The following TMEM255A variants were observed in gnomAD, a reference collection of about 807,000 sequenced individuals.
TMEM255A encodes the protein transmembrane protein 255A, also known as family with sequence similarity 70, member A.
A neutral mutation model predicts 23.5 loss-of-function variants in TMEM255A; 14 were observed. The observed-to-expected ratio is 0.60, with a 90% CI of 0.39 to 0.93. The LOEUF (loss-of-function observed/expected upper bound fraction) is 0.93. Ranked by LOEUF, TMEM255A falls within the 40% of genes least tolerant of loss-of-function variation. The probability of loss-of-function intolerance (pLI) is 0.00; values close to 1 mark genes in which losing one functional copy is unlikely to be tolerated. For synonymous variants in TMEM255A, 104 were observed against 100.3 expected (o/e 1.04, Z -0.22); for missense variants, 233 against 261.7 (o/e 0.89, Z 0.76).
intron 8 of TMEM255A, among the ~76,000 whole-genome samples, chrX:120,264,554 A>C (rs951154252): frequency 1.8e-5 from 2 of 111,283 alleles, no homozygotes; most frequent in Non-Finnish European, 3.8e-5. Flanking sequence ...GAGGGGTTAA[A>C]ACAAAACATT....
chrX:120,304,457 A>G lies in TMEM255A; in HGVS notation c.93T>C (p.Tyr31=), dbSNP rs2058051410. ...AFNRRKRNSI[Y]VTVTLLIVSV... Reference sequence around the variant, plus strand: ...ACACAATAAGCAAAGTCACGGTGACATAGATGGAGTTTCGTTTCCTCCGAT... The same window carrying G: ...ACACAATAAGCAAAGTCACGGTGACGTAGATGGAGTTTCGTTTCCTCCGAT... Residue 31 remains tyrosine (Y), a synonymous_variant, in exon 2 of 9, where the codon TAT becomes TAC. Coordinates refer to ENST00000371369, the MANE Select transcript of TMEM255A (RefSeq NM_001104544.3). 1.7e-6 allele frequency: 2 copies of G among 1,210,754 alleles called. No homozygotes were observed. The highest frequency in any genetic ancestry group is 2.2e-6 in the Non-Finnish European group (2 of 894,913).
rs2057871397 is a variant in TMEM255A, at chrX:120,285,830, T to C, written c.424-615A>G. ...CAAAATCTAGAGAACAGCAATGACA[T>C]TTTACACATTTTGAGTTAGCAAAAA... On this transcript the variant is annotated intron_variant, in intron 5 of 8. Coordinates refer to ENST00000371369, the MANE Select transcript of TMEM255A (RefSeq NM_001104544.3). 3 of 1,201,305 alleles carry C rather than the reference T, an allele frequency of 2.5e-6. No homozygotes were observed. In the South Asian group the frequency reaches 5.4e-5, roughly 22 times the overall value.
chrX:120,296,429 A>ATTCTG, intron 2 of TMEM255A, among the ~76,000 whole-genome samples: 1 of 102,967 alleles, frequency 9.7e-6, no homozygotes, highest in African/African-American at 3.5e-5. Flanking sequence ...ATTCTATTCT[A>ATTCTG]TTCTATTCCA....
chrX:120,293,206 C>T (rs1235950566), intron 3 of TMEM255A, among the ~76,000 whole-genome samples: 3 of 112,455 alleles, frequency 2.7e-5, no homozygotes, highest in African/African-American at 6.5e-5. Context: ...AGGGGGAGCC[C>T]AATCACCATC....
chrX:120,267,730 G>T (rs1556017825), intron 8 of TMEM255A, among the ~76,000 whole-genome samples: 2 of 111,991 alleles, frequency 1.8e-5, no homozygotes, highest in African/African-American at 6.5e-5. Flanking sequence ...TCTGTGTATT[G>T]CTCTGTGTAG....
chrX:120,300,860 G>A (rs189494464), intron 2 of TMEM255A, among the ~76,000 whole-genome samples: 9 of 108,397 alleles, frequency 8.3e-5, no homozygotes, highest in Non-Finnish European at 1.3e-4. Flanking sequence ...GACCAGAGGC[G>A]TGCACCACCA....
chrX:120,290,160 A>T (rs967330900), intron 4 of TMEM255A, among the ~76,000 whole-genome samples: 7 of 111,912 alleles, frequency 6.3e-5, no homozygotes, highest in African/African-American at 2.3e-4. Context: ...AATTATACAC[A>T]TTAAATGGGT....
Position 120,311,293 on chromosome X carries a change from G to C in TMEM255A, c.17C>G (p.Thr6Ser), listed in dbSNP as rs1569343436. 1 of 1,181,200 alleles carries C rather than the reference G, an allele frequency of 8.5e-7. No individual in the cohort carries two copies. Among genetic ancestry groups the C allele is most frequent in the Non-Finnish European group, 1.1e-6 (1 of 879,963 alleles). ...GGACATGTCGCTGGACCGCTGCTGA[G>C]TCAGGGACTGATGCATGGTGAAAAC... MHQSL[T>S]QQRSSDMSLP... The change falls in exon 1 of 9, where the codon ACT becomes AGT. Residue 6 changes from threonine to serine, a missense_variant. Coordinates refer to ENST00000371369, the MANE Select transcript of TMEM255A (RefSeq NM_001104544.3).
intron 8 of TMEM255A, among the ~76,000 whole-genome samples, chrX:120,267,087 A>C (rs1412693178): frequency 8.9e-6 from 1 of 112,266 alleles, no homozygotes; most frequent in Non-Finnish European, 1.9e-5. Flanking sequence ...CAATGGGTTA[A>C]TGGATACCTT....
At chrX:120,268,812 A>C (rs1603400281) in intron 7 of TMEM255A, among the ~76,000 whole-genome samples, 2 of 112,301 alleles carry the variant, frequency 1.8e-5, no homozygotes, top group Admixed American at 1.9e-4. Context: ...TAACTTGAAA[A>C]ATTTAAACCT....
downstream of TMEM255A, chrX:120,254,989 G>A (rs1556015129): frequency 4.1e-6 from 5 of 1,211,853 alleles, no homozygotes; most frequent in South Asian, 5.3e-5. Flanking sequence ...TATCCGTGCC[G>A]TTACTGTGAG....
At chrX:120,288,042 G>C (rs2057889514) in intron 4 of TMEM255A, among the ~76,000 whole-genome samples, 1 of 111,241 alleles carries the variant, frequency 9.0e-6, no homozygotes, top group Non-Finnish European at 1.9e-5. Flanking sequence ...GTGGTAGGGG[G>C]CTTCTTCCAA....
intron 8 of TMEM255A, among the ~76,000 whole-genome samples, chrX:120,263,343 C>T (rs781916908): frequency 5.2e-4 from 58 of 112,145 alleles, no homozygotes; most frequent in African/African-American, 1.7e-3. Flanking sequence ...TCTAAATAGC[C>T]TACTGCTGGG....
chrX:120,300,593 T>C (rs1330338917), intron 2 of TMEM255A, among the ~76,000 whole-genome samples: 2 of 98,729 alleles, frequency 2.0e-5, no homozygotes, highest in Non-Finnish European at 4.0e-5. Flanking sequence ...TGGGGCTTTG[T>C]CATGTTGTCT....
intron 2 of TMEM255A, among the ~76,000 whole-genome samples, chrX:120,303,154 GT>G (rs1489661089): frequency 1.4e-4 from 16 of 111,541 alleles, no homozygotes; most frequent in African/African-American, 5.2e-4. Flanking sequence ...AATGCAACTA[GT>G]TTAGCAGTCT....
chrX:120,280,702 G>T, intron 6 of TMEM255A, among the ~76,000 whole-genome samples: 1 of 111,107 alleles, frequency 9.0e-6, no homozygotes, highest in East Asian at 2.8e-4. Context: ...CCCTTCTGTG[G>T]CTCCCCAGTA....
the TMEM255A span, among the ~76,000 whole-genome samples, chrX:120,251,901 A>G: frequency 3.6e-5 from 4 of 112,244 alleles, no homozygotes; most frequent in Non-Finnish European, 5.6e-5. Context: ...CCCGGGAGCA[A>G]ATGACAAAAA....
intron 2 of TMEM255A, among the ~76,000 whole-genome samples, chrX:120,298,699 C>A (rs1229433360): frequency 9.0e-6 from 1 of 111,258 alleles, no homozygotes; most frequent in Non-Finnish European, 1.9e-5. Flanking sequence ...CCTATATAAA[C>A]AAAGCTAAAT....
At chrX:120,285,537 C>G in intron 5 of TMEM255A, 2 of 1,131,441 alleles carry the variant, frequency 1.8e-6, no homozygotes, top group Admixed American at 4.5e-5. Flanking sequence ...AATATGAGGG[C>G]AGGCAAAATC....
Sources: allele counts gnomAD v4.1 joint callset (sites outside exome capture counted in the v4.1 genomes callset), GRCh38; gene constraint gnomAD v4.1.1; transcripts MANE v1.5; gene names NCBI Gene and HGNC (gene_info 2026-07-23, HGNC 2026-07-21).